UGT1A9: variants seen among roughly 807,000 people sequenced by gnomAD.
UGT1A9 encodes the protein UDP glucuronosyltransferase family 1 member A9, also known as UDP-glucuronosyltransferase 1A9.
UGT1A9 carries 35 observed loss-of-function variants against 45.0 expected under a neutral mutation model. That is an observed-to-expected ratio of 0.78 (90% CI 0.59 to 1.03). The LOEUF (loss-of-function observed/expected upper bound fraction) is 1.03, where lower values mean the gene tolerates loss of function less well. Among genes scored for constraint, UGT1A9 ranks in the 50% least tolerant of loss-of-function variants. UGT1A9 has a pLI of 0.00. For missense variants in UGT1A9, 687 were observed against 666.6 expected (o/e 1.03, Z -0.34); for synonymous variants, 278 against 250.6 (o/e 1.11, Z -1.03).
intron 1 of UGT1A9, chr2:233,713,390 T>C (rs1223682421): frequency 6.2e-7 from 1 of 1,614,192 alleles, no homozygotes; most frequent in Admixed American, 1.7e-5. Context: ...AGCTACTGCA[T>C]AATGAGGCCC....
At chr2:233,751,684 G>T (rs1056105452) in intron 1 of UGT1A9, among the ~76,000 whole-genome samples, 7 of 152,138 alleles carry the variant, frequency 4.6e-5, no homozygotes, top group Non-Finnish European at 1.0e-4. Flanking sequence ...AGAGCTGATG[G>T]TTTTATAAGG....
At chr2:233,713,299 C>G (rs1373926847) in intron 1 of UGT1A9, 1 of 1,614,114 alleles carries the variant, frequency 6.2e-7, no homozygotes, top group East Asian at 2.2e-5. Flanking sequence ...TTCTTTGAAA[C>G]AGAACATCTT....
intron 1 of UGT1A9, among the ~76,000 whole-genome samples, chr2:233,721,302 G>T (rs541150498): frequency 6.6e-6 from 1 of 152,116 alleles, no homozygotes; most frequent in Non-Finnish European, 1.5e-5. Context: ...CATTTGAATA[G>T]TGATTGTGGC....
At position 233,680,343 on chromosome 2, in the gene UGT1A9, C is replaced by T. The variant is rs80117790; in HGVS notation, c.855+7554C>T. 1.0e-3 allele frequency among the ~76,000 whole-genome samples: 153 copies of T among 152,256 alleles called. 3 individuals are homozygous for T. The East Asian group carries it at 0.027, about 27-fold the overall frequency. On this transcript the variant is annotated intron_variant, in intron 1 of 4. Transcript: ENST00000354728. ...AGAAGAAACGCGCAGAGGGTATAAA[C>T]GTCATATCACATGCATTTAGGCCAC...
At chr2:233,690,823 C>T in intron 1 of UGT1A9, 1 of 1,066,136 alleles carries the variant, frequency 9.4e-7, no homozygotes, top group Non-Finnish European at 1.1e-6. Context: ...AGTCAAAGCT[C>T]ACAGGAGAAA....
chr2:233,677,457 A>T (rs1270052108), intron 1 of UGT1A9, among the ~76,000 whole-genome samples: 1 of 152,238 alleles, frequency 6.6e-6, no homozygotes, highest in African/African-American at 2.4e-5. Context: ...AGCCTTGCCA[A>T]TACCATAAAC....
In UGT1A9 at chr2:233,772,637, A is replaced by G; in HGVS notation, c.*78A>G. ...AACTTGAAAACAGAATCAGTGTTAA[A>G]TTCATTTTATTCTTATTAAGGAAAT... On this transcript the variant is annotated 3_prime_UTR_variant, in exon 5 of 5. Transcript: ENST00000354728. The G allele has an allele frequency of 1.5e-5, 23 of 1,552,946 alleles. No individual in the cohort carries two copies. Among genetic ancestry groups the G allele is most frequent in the Non-Finnish European group, 2.0e-5 (23 of 1,148,470 alleles).
At chr2:233,719,183 T>C (rs1190201786) in intron 1 of UGT1A9, 5 of 1,614,222 alleles carry the variant, frequency 3.1e-6, no homozygotes, top group Non-Finnish European at 4.2e-6. Flanking sequence ...ACAATGTATC[T>C]TTGGCCCTTC....
At chr2:233,712,888 T>C in intron 1 of UGT1A9, 6 of 1,603,412 alleles carry the variant, frequency 3.7e-6, no homozygotes, top group Non-Finnish European at 5.1e-6. Flanking sequence ...CAATTACATG[T>C]TGATTTGCTA....
rs143192680 is a variant in UGT1A9, at chr2:233,767,666, C to G, written c.988-183C>G. 1.9e-3 allele frequency among the ~76,000 whole-genome samples: 295 copies of G among 152,308 alleles called. 3 individuals carry two copies. The highest frequency in any genetic ancestry group is 0.013 in the Admixed American group (199 of 15,308). On this transcript the variant is annotated intron_variant, in intron 2 of 4. Coordinates refer to ENST00000354728, the MANE Select transcript of UGT1A9 (RefSeq NM_021027.3). ...TCACGTAGTGCATACACCCTTGTAA[C>G]TAAACCTCCAAAACAAGATGCCGGA...
intron 1 of UGT1A9, among the ~76,000 whole-genome samples, chr2:233,720,129 A>G (rs1275543977): frequency 1.3e-5 from 2 of 152,210 alleles, no homozygotes; most frequent in Admixed American, 6.5e-5. Context: ...AGGTGACCAC[A>G]GGAGACCTAG....
chr2:233,729,548 T>G (rs1482576119), intron 1 of UGT1A9: 2 of 1,614,102 alleles, frequency 1.2e-6, no homozygotes, highest in African/African-American at 2.7e-5. Context: ...ATCAGGCACC[T>G]GAATGCTACT....
intron 1 of UGT1A9, among the ~76,000 whole-genome samples, chr2:233,678,906 G>C (rs1421680111): frequency 1.3e-5 from 2 of 152,086 alleles, no homozygotes; most frequent in African/African-American, 4.8e-5. Context: ...CATAAATCCT[G>C]TGAAGTCATG....
chr2:233,737,891 T>A (rs1690616471), intron 1 of UGT1A9, among the ~76,000 whole-genome samples: 1 of 152,132 alleles, frequency 6.6e-6, no homozygotes, highest in African/African-American at 2.4e-5. Flanking sequence ...AAAGCTAATT[T>A]TCGAGTGTGG....
chr2:233,686,767 G>A (rs764503314), intron 1 of UGT1A9, among the ~76,000 whole-genome samples: 8 of 152,058 alleles, frequency 5.3e-5, no homozygotes, highest in Non-Finnish European at 8.8e-5. Flanking sequence ...TTTATTTTAT[G>A]CAACACTCCA....
At chr2:233,750,502 A>T (rs1694477607) in intron 1 of UGT1A9, 1 of 152,122 alleles carries the variant, frequency 6.6e-6, no homozygotes, top group East Asian at 1.9e-4. Context: ...GAGGAGCCAA[A>T]TGTTAATTGC....
chr2:233,672,739 A>G lies in UGT1A9; in HGVS notation c.805A>G (p.Met269Val), dbSNP rs138512716. ...LDYPKPVMPN[M>V]IFIGGINCHQ... ...CTATCCCAAACCCGTGATGCCCAACATGATCTTCATTGGTGGTATCAACTG... is the reference window on the plus strand; with the variant it reads ...CTATCCCAAACCCGTGATGCCCAACGTGATCTTCATTGGTGGTATCAACTG... Residue 269 changes from methionine (M) to valine (V), a missense_variant, in exon 1 of 5, where the codon ATG becomes GTG. Transcript: ENST00000354728. 4 of 1,613,838 alleles carry G rather than the reference A, an allele frequency of 2.5e-6. No individual in the cohort carries two copies. In the Admixed American group the frequency reaches 5.0e-5, roughly 20 times the overall value.
chr2:233,762,094 T>A (rs1389988044), intron 1 of UGT1A9, among the ~76,000 whole-genome samples: 1 of 152,214 alleles, frequency 6.6e-6, no homozygotes, highest in African/African-American at 2.4e-5. Context: ...CTTAGATAGT[T>A]GTTGATTGTC....
chr2:233,747,668 C>T (rs1693744696), intron 1 of UGT1A9: 1 of 1,603,064 alleles, frequency 6.2e-7, no homozygotes, highest in East Asian at 2.2e-5. Context: ...TTTTAATAGA[C>T]CCAATTTACC....
Sources: gnomAD v4.1 joint callset for allele counts (sites outside exome capture counted in the v4.1 genomes callset) on GRCh38, gnomAD v4.1.1 for gene constraint, MANE v1.5 for transcripts, NCBI Gene and HGNC (gene_info 2026-07-23, HGNC 2026-07-21) for gene names.